The following C9orf72 variants were observed in gnomAD, a reference collection of about 807,000 sequenced individuals.
The protein encoded by C9orf72 is guanine nucleotide exchange factor C9orf72.
In C9orf72, 44 loss-of-function variants were observed where a neutral mutation model predicts 51.6. The ratio of observed to expected loss-of-function variants is 0.85; its 90% CI spans 0.67 to 1.10. The LOEUF is 1.10. Among genes scored for constraint, C9orf72 ranks in the 50% least tolerant of loss-of-function variants. The probability of loss-of-function intolerance (pLI) is 0.00; values close to 1 mark genes in which losing one functional copy is unlikely to be tolerated. For missense variants in C9orf72, 607 were observed against 570.6 expected (o/e 1.06, Z -0.65); for synonymous variants, 213 against 194.2 (o/e 1.10, Z -0.81).
At chr9:27,555,832 T>C (rs2131533363) in intron 8 of C9orf72, among the ~76,000 whole-genome samples, 1 of 152,244 alleles carries the variant, frequency 6.6e-6, no homozygotes, top group African/African-American at 2.4e-5. Flanking sequence ...CAAAGCTCTG[T>C]TCTTACAGGC....
At chr9:27,556,192 T>G (rs1017038175) in intron 8 of C9orf72, among the ~76,000 whole-genome samples, 2 of 152,144 alleles carry the variant, frequency 1.3e-5, no homozygotes, top group Admixed American at 6.6e-5. Flanking sequence ...TTTGGTTTTG[T>G]TAATAAGTCC....
At chr9:27,553,877 C>T (rs1399211832) in intron 8 of C9orf72, among the ~76,000 whole-genome samples, 1 of 152,036 alleles carries the variant, frequency 6.6e-6, no homozygotes, top group Non-Finnish European at 1.5e-5. Flanking sequence ...CCACTACAAA[C>T]TGGGCAAAGG....
chr9:27,546,875 T>G lies in C9orf72; in HGVS notation c.*1361A>C, dbSNP rs1820779942. 1 of 152,202 alleles carries G rather than the reference T, an allele frequency of 6.6e-6. No homozygotes were observed. Among genetic ancestry groups the G allele is most frequent in the African/African-American group, 2.4e-5 (1 of 41,468 alleles). 9.4% of individuals were successfully genotyped at this position (152,202 alleles called of 1,614,324 possible). ...GGGAAAGCTATTATGACCTTTCACA[T>G]TCGAACATGTCATTTTGTTGTGTAA... On this transcript the variant is annotated 3_prime_UTR_variant, in exon 11 of 11. Coordinates refer to ENST00000380003, the MANE Select transcript of C9orf72 (RefSeq NM_018325.5).
At chr9:27,572,874 C>G (rs964389146) in intron 1 of C9orf72, among the ~76,000 whole-genome samples, 3 of 152,226 alleles carry the variant, frequency 2.0e-5, no homozygotes, top group African/African-American at 7.2e-5. Context: ...GGGGAGCACA[C>G]CGACTTGCAT....
rs1195107438 is a variant in C9orf72, at chr9:27,548,343, T to C, written c.1339A>G (p.Ile447Val). The C allele has an allele frequency of 5.0e-6, 8 of 1,610,636 alleles. No homozygotes were observed. Among genetic ancestry groups the C allele is most frequent in the Non-Finnish European group, 6.8e-6 (8 of 1,179,284 alleles). ...LDLTAEGDLN[I>V]IMALAEKIKP... ...ATTTTCTCAGCCAGAGCCATTATTATGTTAAGATCGCCCTCTGCTGTTAAA... is the reference window on the plus strand; with the variant it reads ...ATTTTCTCAGCCAGAGCCATTATTACGTTAAGATCGCCCTCTGCTGTTAAA... Residue 447 changes from isoleucine to valine, a missense_variant, in exon 11 of 11, where the codon ATA becomes GTA. Physicochemically the swap from Ile to Val is conservative, Grantham distance 29. Coordinates refer to ENST00000380003, the MANE Select transcript of C9orf72 (RefSeq NM_018325.5).
intron 9 of C9orf72, 137 bp downstream of exon 9, chr9:27,550,513 C>T (rs542150484): frequency 1.3e-4 from 65 of 497,528 alleles, no homozygotes; most frequent in African/African-American, 1.2e-3. Context: ...GTGTAACTAA[C>T]TTAACTGCAA....
intron 8 of C9orf72, chr9:27,554,587 A>G (rs1350752294): frequency 5.0e-6 from 2 of 398,330 alleles, no homozygotes; most frequent in Non-Finnish European, 4.4e-6. Context: ...ATGACACGCA[A>G]TTTACCTGTA....
At chr9:27,571,381 T>A (rs1819582752) in intron 1 of C9orf72, 1 of 152,210 alleles carries the variant, frequency 6.6e-6, no homozygotes. Context: ...AAATCAACCA[T>A]CTCTTCCCTG....
rs1004904900 is a variant in C9orf72, at chr9:27,546,611, A to G, written c.*1625T>C. 1.3e-5 allele frequency: 2 copies of G among 152,216 alleles called. No individual in the cohort carries two copies. The highest frequency in any genetic ancestry group is 4.8e-5 in the African/African-American group (2 of 41,450). 9.4% of individuals were successfully genotyped at this position (152,216 alleles called of 1,614,324 possible). A position where few individuals can be genotyped will look rare whatever the true frequency, so the allele number is the denominator to read the frequency against. ...AGAAAAGATATATAACAATGTTTAC[A>G]CATGCTTTAATAACTTATTTCACTG... On this transcript the variant is annotated 3_prime_UTR_variant, in exon 11 of 11. Transcript: ENST00000380003.
At chr9:27,572,707 G>C (rs1228807761) in intron 1 of C9orf72, among the ~76,000 whole-genome samples, 2 of 152,164 alleles carry the variant, frequency 1.3e-5, no homozygotes, top group Non-Finnish European at 2.9e-5. Context: ...AACGCGGCCA[G>C]ATAGACCCAA....
At chr9:27,555,324 A>T (rs1820986802) in intron 8 of C9orf72, among the ~76,000 whole-genome samples, 1 of 152,134 alleles carries the variant, frequency 6.6e-6, no homozygotes, top group African/African-American at 2.4e-5. Context: ...GCACCTTGAG[A>T]TGTATAAGGC....
Position 27,566,889 on chromosome 9 carries a change from C to T in C9orf72, c.232G>A (p.Gly78Ser). The change falls in exon 2 of 11, where the codon GGT becomes AGT. Residue 78 changes from glycine to serine, a missense_variant. Coordinates refer to ENST00000380003, the MANE Select transcript of C9orf72 (RefSeq NM_018325.5). ...NGEILRNAES[G>S]AIDVKFFVLS... ...ACAAAAAACTTTACATCTATAGCAC[C>T]ACTCTCTGCATTTCGAAGGATTTCT... 2 of 1,613,964 alleles carry T rather than the reference C, an allele frequency of 1.2e-6. No homozygotes were observed. Among genetic ancestry groups the T allele is most frequent in the Non-Finnish European group, 1.7e-6 (2 of 1,179,884 alleles).
chr9:27,549,090 C>T (rs965068222), intron 9 of C9orf72, among the ~76,000 whole-genome samples: 1 of 152,188 alleles, frequency 6.6e-6, no homozygotes, highest in Non-Finnish European at 1.5e-5. Context: ...GATCCACCCA[C>T]CTCGGACTCC....
chr9:27,569,764 G>A (rs914965618), intron 1 of C9orf72, among the ~76,000 whole-genome samples: 12 of 152,182 alleles, frequency 7.9e-5, no homozygotes, highest in African/African-American at 2.7e-4. Flanking sequence ...AAACTGTGAA[G>A]TCTATTTATA....
chr9:27,556,637 A>G lies in C9orf72; in HGVS notation c.1015T>C (p.Phe339Leu), dbSNP rs373419325. The G allele has an allele frequency of 5.0e-6, 8 of 1,613,992 alleles. No individual in the cohort carries two copies. The highest frequency in any genetic ancestry group is 2.2e-5 in the East Asian group (1 of 44,868). ...RRYMRSELTA[F>L]WRATSEEDMA... Reference sequence around the variant, plus strand: ...TCTTCTTCTGAAGTGGCTCTCCAGAAGGCTGTCAGCTCGGATCTCATGTAT... The same window carrying G: ...TCTTCTTCTGAAGTGGCTCTCCAGAGGGCTGTCAGCTCGGATCTCATGTAT... The change falls in exon 8 of 11, where the codon TTC becomes CTC. Residue 339 changes from phenylalanine (F) to leucine (L), a missense_variant. Physicochemically the swap from Phe to Leu is conservative, Grantham distance 22. Transcript: ENST00000380003.
At position 27,565,515 on chromosome 9, in the gene C9orf72, T is replaced by A. The variant is rs761714602; in HGVS notation, c.504+16A>T. ...GCTGTGAGAAAAACATTTGACAGTA[T>A]GCAATTTGCATATACCTGATCTTCC... is the stretch of plus-strand genomic sequence containing the variant. On this transcript the variant is annotated intron_variant, in intron 3 of 10. Transcript: ENST00000380003. 29 of 1,539,866 alleles carry A rather than the reference T, an allele frequency of 1.9e-5. No homozygotes were observed. Among genetic ancestry groups the A allele is most frequent in the African/African-American group, 2.7e-5 (2 of 73,580 alleles).
chr9:27,566,883 T>C lies in C9orf72; in HGVS notation c.238A>G (p.Ile80Val), dbSNP rs1443022155. 4 of 1,613,938 alleles carry C rather than the reference T, an allele frequency of 2.5e-6. No individual in the cohort carries two copies. The highest frequency in any genetic ancestry group is 3.4e-6 in the Non-Finnish European group (4 of 1,179,856). The change falls in exon 2 of 11, where the codon ATA (isoleucine) becomes GTA (valine). Residue 80 changes from isoleucine (I) to valine (V), a missense_variant. Transcript: ENST00000380003. Reference protein sequence around the residue: ...EILRNAESGAIDVKFFVLSEK... With the variant: ...EILRNAESGAVDVKFFVLSEK... The stretch of plus-strand genomic sequence containing the variant: ...GACAAGACAAAAAACTTTACATCTA[T>C]AGCACCACTCTCTGCATTTCGAAGG...
chr9:27,566,957 C>A lies in C9orf72; in HGVS notation c.164G>T (p.Ser55Ile). The A allele has an allele frequency of 6.2e-7, 1 of 1,614,108 alleles. No individual in the cohort carries two copies. The highest frequency in any genetic ancestry group is 8.5e-7 in the Non-Finnish European group (1 of 1,179,958). ...WAPKTEQVLL[S>I]DGEITFLANH... ...GGCAAGAAAAGTTATTTCTCCATCACTGAGAAGTACCTGTTCTGTCTTTGG... is the reference window on the plus strand; with the variant it reads ...GGCAAGAAAAGTTATTTCTCCATCAATGAGAAGTACCTGTTCTGTCTTTGG... The change falls in exon 2 of 11, where the codon AGT becomes ATT. Residue 55 changes from serine (S) to isoleucine (I), a missense_variant. Coordinates refer to ENST00000380003, the MANE Select transcript of C9orf72 (RefSeq NM_018325.5).
chr9:27,562,359 A>C, intron 4 of C9orf72, 22 bp downstream of exon 4: 1 of 1,311,164 alleles, frequency 7.6e-7, no homozygotes, highest in Middle Eastern at 1.9e-4. Flanking sequence ...TAAAGTGTAT[A>C]ATTGCTCTCA....
Sources: gnomAD v4.1 joint callset for allele counts (sites outside exome capture counted in the v4.1 genomes callset) on GRCh38, gnomAD v4.1.1 for gene constraint, MANE v1.5 for transcripts, NCBI Gene and HGNC (gene_info 2026-07-23, HGNC 2026-07-21) for gene names.